Variants in HIP1 observed in about 807,000 individuals in gnomAD.
The protein encoded by HIP1 is huntingtin interacting protein 1, also known as huntingtin-interacting protein 1.
Under a neutral mutation model 147.6 loss-of-function variants are expected in HIP1, and 65 were observed. The ratio of observed to expected loss-of-function variants is 0.44; its 90% confidence interval spans 0.36 to 0.54. HIP1 has a LOEUF of 0.54. HIP1 is among the 20% of genes least tolerant of loss of function. The probability of loss-of-function intolerance (pLI) is 0.00; values close to 1 mark genes in which losing one functional copy is unlikely to be tolerated. For missense variants in HIP1, 1,061 were observed against 1,299.6 expected (o/e 0.82, Z 2.82); for synonymous variants, 479 against 504.0 (o/e 0.95, Z 0.67).
At chr7:75,581,212 G>T in intron 7 of HIP1, 25 bp downstream of exon 7, 1 of 1,582,234 alleles carries the variant, frequency 6.3e-7, no homozygotes, top group Non-Finnish European at 8.7e-7. Context: ...GAGAGCCTGG[G>T]TTAGACGGGA....
At chr7:75,550,643 C>A (rs1554491931) in intron 22 of HIP1, among the ~76,000 whole-genome samples, 1 of 152,036 alleles carries the variant, frequency 6.6e-6, no homozygotes, top group Non-Finnish European at 1.5e-5. Context: ...AAACTCCTGG[C>A]CTCAAGTGAT....
At chr7:75,544,172 C>CAAAA (rs369891293) in intron 27 of HIP1, among the ~76,000 whole-genome samples, 5 of 96,630 alleles carry the variant, frequency 5.2e-5, no homozygotes, top group Non-Finnish European at 8.5e-5. Context: ...GCTCTGTCTC[C>CAAAA]AAAAAAAAAA....
chr7:75,611,639 C>A, intron 1 of HIP1: 1 of 1,015,020 alleles, frequency 9.9e-7, no homozygotes, highest in Non-Finnish European at 1.2e-6. Flanking sequence ...GCACCAAGGG[C>A]GGGCAGTGCG....
chr7:75,548,026 CCGT>C (rs1794636890), intron 23 of HIP1, among the ~76,000 whole-genome samples: 1 of 151,640 alleles, frequency 6.6e-6, no homozygotes, highest in Non-Finnish European at 1.5e-5. Flanking sequence ...GCTCTGTGAT[CCGT>C]GTCATTTTGT....
At chr7:75,694,125 G>A (rs1259840501) in intron 1 of HIP1, among the ~76,000 whole-genome samples, 2 of 151,874 alleles carry the variant, frequency 1.3e-5, no homozygotes, top group Non-Finnish European at 2.9e-5. Context: ...TCACCATGTT[G>A]GCCAGGCTTG....
intron 1 of HIP1, among the ~76,000 whole-genome samples, chr7:75,616,085 C>CAAAAAAAAAAAAAAAAAAAAAAAAAAAAA: frequency 2.8e-5 from 1 of 35,318 alleles, no homozygotes. Context: ...GACTCTGTCT[C>CAAAAAAAAAAAAAAAAAAAAAAAAAAAAA]AAAAAAAAAA....
At chr7:75,561,706 G>A (rs1453933147) in intron 12 of HIP1, among the ~76,000 whole-genome samples, 1 of 152,118 alleles carries the variant, frequency 6.6e-6, no homozygotes, top group African/African-American at 2.4e-5. Context: ...GTAGTGGCAC[G>A]ATCATAGCTC....
intron 4 of HIP1, among the ~76,000 whole-genome samples, chr7:75,590,824 A>G (rs1796476547): frequency 6.6e-6 from 1 of 152,186 alleles, no homozygotes; most frequent in African/African-American, 2.4e-5. Flanking sequence ...GACAACTCTC[A>G]ACTTTGTTCT....
At chr7:75,633,437 C>T (rs1554509221) in intron 1 of HIP1, among the ~76,000 whole-genome samples, 2 of 152,130 alleles carry the variant, frequency 1.3e-5, no homozygotes, top group Non-Finnish European at 1.5e-5. Context: ...GGATTACAGG[C>T]GTGTGCTGCC....
chr7:75,641,523 C>T (rs1194968145), intron 1 of HIP1, among the ~76,000 whole-genome samples: 1 of 150,586 alleles, frequency 6.6e-6, no homozygotes, highest in East Asian at 2.0e-4. Context: ...CAAAGTCTCA[C>T]ACTTGTTGCC....
chr7:75,660,961 C>T (rs1457160449), intron 1 of HIP1, among the ~76,000 whole-genome samples: 9 of 151,974 alleles, frequency 5.9e-5, no homozygotes. Context: ...GAAGAGCAGT[C>T]ACTGCAGGCA....
intron 1 of HIP1, among the ~76,000 whole-genome samples, chr7:75,683,606 G>A (rs571731270): frequency 2.6e-5 from 4 of 152,132 alleles, no homozygotes; most frequent in East Asian, 1.9e-4. Context: ...TCTGAGGCCC[G>A]GAGCCTCTGG....
At chr7:75,737,275 G>T (rs2079204) in intron 1 of HIP1, among the ~76,000 whole-genome samples, 15,540 of 151,844 alleles carry the variant, frequency 0.1, 1,050 homozygotes, top group Middle Eastern at 0.18. Context: ...TTGCCCAGGT[G>T]GGGGGCCAAA....
intron 29 of HIP1, among the ~76,000 whole-genome samples, chr7:75,541,384 G>T (rs1441989982): frequency 6.6e-6 from 1 of 152,014 alleles, no homozygotes; most frequent in Non-Finnish European, 1.5e-5. Flanking sequence ...CAAAAAATTA[G>T]CCAGGCATGG....
chr7:75,667,189 T>A (rs1159222620), intron 1 of HIP1, among the ~76,000 whole-genome samples: 1 of 152,078 alleles, frequency 6.6e-6, no homozygotes, highest in South Asian at 2.1e-4. Context: ...ATCAAAGACA[T>A]TCTATAAAAA....
At chr7:75,606,076 T>G (rs1223053022) in intron 1 of HIP1, among the ~76,000 whole-genome samples, 1 of 152,114 alleles carries the variant, frequency 6.6e-6, no homozygotes, top group Non-Finnish European at 1.5e-5. Flanking sequence ...CTTGAACTCC[T>G]GGCCTCAAGC....
In HIP1 at chr7:75,568,830, G is replaced by A. The variant is rs151144702; in HGVS notation, c.746-574C>T. Among the ~76,000 whole-genome samples the A allele has an allele frequency of 3.9e-4, 60 of 152,262 alleles. No individual in the cohort carries two copies. The highest frequency in any genetic ancestry group is 1.2e-3 in the African/African-American group (51 of 41,552). On this transcript the variant is annotated intron_variant, in intron 8 of 30. Transcript: ENST00000336926. The surrounding 1 kb of genome is among the most constrained non-coding windows in gnomAD (Gnocchi z 4.1). ...TCGAGACCAGCCTGACCAATATGGT[G>A]AAACCATGTCTCTACTAAAAATACA...
In HIP1 at chr7:75,602,351, G is replaced by A. The variant is rs118110391; in HGVS notation, c.121-3104C>T. Among the ~76,000 whole-genome samples, 9 of 118,446 alleles carry A rather than the reference G, an allele frequency of 7.6e-5. No individual in the cohort carries two copies. The East Asian group carries it at 1.7e-3, about 23-fold the overall frequency. The allele number at this position is 118,446 out of a possible 152,430, so 77.7% of individuals were successfully genotyped here. A position where few individuals can be genotyped will look rare whatever the true frequency, so the allele number is the denominator to read the frequency against. ...TTTTTTTCAAAAGAGATAGGGTTTC[G>A]CTGTCTTGCTATGTTGCCCAGGCTG... On this transcript the variant is annotated intron_variant, in intron 1 of 30. Transcript: ENST00000336926.
chr7:75,731,329 A>G (rs1801830415), intron 1 of HIP1, among the ~76,000 whole-genome samples: 1 of 151,720 alleles, frequency 6.6e-6, no homozygotes. Context: ...CTAAAAATAC[A>G]AAAATTAGCT....
Sources: gnomAD v4.1 joint callset for allele counts (sites outside exome capture counted in the v4.1 genomes callset) on GRCh38, gnomAD v4.1.1 for gene constraint, Gnocchi (gnomAD v3.1) non-coding constraint, MANE v1.5 for transcripts, NCBI Gene and HGNC (gene_info 2026-07-23, HGNC 2026-07-21) for gene names.